The following MGMT variants were observed in gnomAD, a reference collection of about 807,000 sequenced individuals.
MGMT encodes the protein methylated-DNA--protein-cysteine methyltransferase.
A neutral mutation model predicts 15.9 loss-of-function variants in MGMT; 14 were observed. The observed-to-expected ratio is 0.88, with a 90% CI of 0.58 to 1.37. The LOEUF (loss-of-function observed/expected upper bound fraction) is 1.37, where lower values mean the gene tolerates loss of function less well. Ranked by LOEUF, MGMT falls within the 40% of genes most tolerant of loss-of-function variation. The pLI is 0.00. For synonymous variants in MGMT, 130 were observed against 118.2 expected, an observed-to-expected ratio of 1.10 and a Z score of -0.65; for missense variants, 282 against 268.1, an observed-to-expected ratio of 1.05 and a Z score of -0.36.
chr10:129,584,404 T>C (rs1336922464), intron 2 of MGMT, among the ~76,000 whole-genome samples: 1 of 151,454 alleles, frequency 6.6e-6, no homozygotes, highest in African/African-American at 2.4e-5. Context: ...AAAGCATGTA[T>C]GGCTGCTGTT....
chr10:129,749,501 A>G (rs964597156), intron 3 of MGMT, among the ~76,000 whole-genome samples: 3 of 152,146 alleles, frequency 2.0e-5, no homozygotes, highest in African/African-American at 4.8e-5. Flanking sequence ...TGGATGTACC[A>G]TAGTTGTTTA....
At chr10:129,610,275 G>T (rs1052331893) in intron 2 of MGMT, among the ~76,000 whole-genome samples, 1 of 152,046 alleles carries the variant, frequency 6.6e-6, no homozygotes, top group African/African-American at 2.4e-5. Flanking sequence ...TGTATTAATG[G>T]CAAAGGCTTC....
At chr10:129,479,593 T>A (rs1400521356) in intron 1 of MGMT, among the ~76,000 whole-genome samples, 1 of 152,108 alleles carries the variant, frequency 6.6e-6, no homozygotes, top group South Asian at 2.1e-4. Context: ...AAAGTTTGTG[T>A]GAGTGATGAT....
intron 2 of MGMT, among the ~76,000 whole-genome samples, chr10:129,587,092 C>T (rs1421933638): frequency 6.6e-6 from 1 of 152,196 alleles, no homozygotes; most frequent in Non-Finnish European, 1.5e-5. Context: ...GACCAGAAAT[C>T]TGCTGTCATC....
intron 3 of MGMT, among the ~76,000 whole-genome samples, chr10:129,754,269 T>C (rs1848781086): frequency 6.6e-6 from 1 of 152,160 alleles, no homozygotes; most frequent in Admixed American, 6.5e-5. Context: ...CCCTCCTCAG[T>C]CCCCTGGACA....
intron 2 of MGMT, among the ~76,000 whole-genome samples, chr10:129,544,723 C>CG (rs1393298251): frequency 6.6e-6 from 1 of 152,240 alleles, no homozygotes; most frequent in African/African-American, 2.4e-5. Context: ...GCCTGCCTCT[C>CG]GGTCCCCTCG....
Position 129,699,394 on chromosome 10 carries a change from G to GT in MGMT, c.126-8497dup, listed in dbSNP as rs577537411. ...AAATACTATGGTAAATACCTTTGCAGTTTTGTTTAGGATCTGACATTAATT... is the reference window on the plus strand; with the variant it reads ...AAATACTATGGTAAATACCTTTGCAGTTTTTGTTTAGGATCTGACATTAATT... On this transcript the variant is annotated intron_variant, in intron 2 of 4. Coordinates refer to ENST00000651593, the MANE Select transcript of MGMT (RefSeq NM_002412.5). 9.2e-5 allele frequency among the ~76,000 whole-genome samples: 14 copies of GT among 152,158 alleles called. No homozygotes were observed. In the South Asian group the frequency reaches 2.9e-3, roughly 32 times the overall value.
At chr10:129,544,710 A>G (rs1202417436) in intron 2 of MGMT, among the ~76,000 whole-genome samples, 2 of 152,068 alleles carry the variant, frequency 1.3e-5, no homozygotes, top group African/African-American at 4.8e-5. Flanking sequence ...CTGGGCTTGC[A>G]TTGCCTGCCT....
chr10:129,727,956 C>CCCT, intron 3 of MGMT, among the ~76,000 whole-genome samples: 1 of 152,322 alleles, frequency 6.6e-6, no homozygotes, highest in East Asian at 1.9e-4. Flanking sequence ...AGCAAGCAAT[C>CCCT]CCTTCTGGCT....
chr10:129,586,491 C>T (rs1002302464), intron 2 of MGMT, among the ~76,000 whole-genome samples: 16 of 152,204 alleles, frequency 1.1e-4, no homozygotes, highest in East Asian at 5.8e-4. Context: ...GGAATTATAA[C>T]GTATAGTCTC....
intron 3 of MGMT, among the ~76,000 whole-genome samples, chr10:129,731,872 C>G (rs1848501822): frequency 1.3e-5 from 2 of 152,200 alleles, no homozygotes; most frequent in African/African-American, 4.8e-5. Context: ...TGGAAGACAG[C>G]TGGGTTCTCA....
chr10:129,755,983 A>G (rs917398120), intron 3 of MGMT, among the ~76,000 whole-genome samples: 1 of 152,232 alleles, frequency 6.6e-6, no homozygotes, highest in African/African-American at 2.4e-5. Flanking sequence ...AGGCCTGCTC[A>G]GAGCCTTGAG....
At chr10:129,650,967 C>A (rs1847450830) in intron 2 of MGMT, among the ~76,000 whole-genome samples, 1 of 152,208 alleles carries the variant, frequency 6.6e-6, no homozygotes, top group Non-Finnish European at 1.5e-5. Context: ...GGCCGCAGTC[C>A]TGGTCACATT....
intron 1 of MGMT, among the ~76,000 whole-genome samples, chr10:129,529,784 C>G (rs568910542): frequency 6.7e-6 from 1 of 149,692 alleles, no homozygotes; most frequent in South Asian, 2.2e-4. Flanking sequence ...CATCGTTTTT[C>G]TACTTGACAT....
rs144419890 is a variant in MGMT at position 129,563,631 on chromosome 10, G to A, written c.125+27254G>A. 13 of 152,318 alleles carry A rather than the reference G, an allele frequency of 8.5e-5. No homozygotes were observed. The East Asian group carries it at 2.5e-3, about 29-fold the overall frequency. The allele number at this position is 152,318 out of a possible 1,614,324, so 9.4% of individuals were successfully genotyped here. ...TTTCTGCCCAGGCCTTTACCTTCCT[G>A]CTAGGAGGCAAGGTCAGCCCAGGGA... On this transcript the variant is annotated intron_variant, in intron 2 of 4. Transcript: ENST00000651593.
At chr10:129,758,540 C>G (rs538547458) in intron 3 of MGMT, among the ~76,000 whole-genome samples, 38 of 152,216 alleles carry the variant, frequency 2.5e-4, no homozygotes, top group African/African-American at 8.4e-4. Context: ...GCAGTCACCT[C>G]CTCATTCCTG....
At chr10:129,702,802 G>A (rs1848114894) in intron 2 of MGMT, among the ~76,000 whole-genome samples, 1 of 152,198 alleles carries the variant, frequency 6.6e-6, no homozygotes, top group Admixed American at 6.5e-5. Context: ...CAGGGCCCCT[G>A]GGGAAGACTG....
At chr10:129,702,641 G>A (rs1440982465) in intron 2 of MGMT, among the ~76,000 whole-genome samples, 1 of 152,178 alleles carries the variant, frequency 6.6e-6, no homozygotes, top group East Asian at 1.9e-4. Flanking sequence ...CCAGGTGAGG[G>A]TCTTGTCTCC....
chr10:129,679,755 A>G (rs1847826803), intron 2 of MGMT, among the ~76,000 whole-genome samples: 1 of 152,192 alleles, frequency 6.6e-6, no homozygotes. Context: ...CCTCGATGCC[A>G]TTGAAACAAA....
Sources: allele counts gnomAD v4.1 joint callset (sites outside exome capture counted in the v4.1 genomes callset), GRCh38; gene constraint gnomAD v4.1.1; transcripts MANE v1.5; gene names NCBI Gene and HGNC (gene_info 2026-07-23, HGNC 2026-07-21).